MYLK3: variants seen among roughly 807,000 people sequenced by gnomAD.
MYLK3 encodes MLC kinase.
A neutral mutation model predicts 76.3 loss-of-function variants in MYLK3; 55 were observed. The ratio of observed to expected loss-of-function variants is 0.72; its 90% CI spans 0.58 to 0.90. MYLK3 has a LOEUF of 0.90. MYLK3 is among the 40% of genes least tolerant of loss of function. The pLI is 0.00. For synonymous variants in MYLK3, 416 were observed against 425.4 expected, an observed-to-expected ratio of 0.98 and a Z score of 0.27; for missense variants, 973 against 1,053.6, an observed-to-expected ratio of 0.92 and a Z score of 1.06.
chr16:46,757,799 C>T (rs961002448), intron 1 of MYLK3, among the ~76,000 whole-genome samples: 3 of 152,200 alleles, frequency 2.0e-5, no homozygotes, highest in African/African-American at 7.2e-5. Flanking sequence ...GAAACAAACA[C>T]CGTGTGGTCC....
intron 9 of MYLK3, among the ~76,000 whole-genome samples, chr16:46,717,592 G>A (rs547740613): frequency 4.0e-5 from 6 of 151,174 alleles, no homozygotes; most frequent in South Asian, 2.1e-4. Flanking sequence ...CTCACAGGGC[G>A]CCCCCCCCAC....
At chr16:46,713,022 T>C (rs184981808) in intron 9 of MYLK3, among the ~76,000 whole-genome samples, 23 of 152,258 alleles carry the variant, frequency 1.5e-4, no homozygotes, top group Admixed American at 3.9e-4. Context: ...CATTTGCTTC[T>C]TTCAGTAGTC....
chr16:46,748,171 C>A lies in MYLK3; in HGVS notation c.23G>T (p.Ser8Ile). Residue 8 changes from serine (S) to isoleucine (I), a missense_variant, in exon 1 of 13, where the codon AGT (serine) becomes ATT (isoleucine). Transcript: ENST00000394809. This position sits in a 1 kb window ranked among gnomAD's most constrained non-coding sequence, Gnocchi z 4.3. MSGTSKESLGHGGLPGLG... is the reference protein window; with the variant it reads MSGTSKEILGHGGLPGLG... ...CCCTGGCAGCCCCCCATGCCCCAGA[C>A]TCTCCTTGGAGGTTCCTGACATGCT... 2 of 1,613,702 alleles carry A rather than the reference C, an allele frequency of 1.2e-6. No individual in the cohort carries two copies. Among genetic ancestry groups the A allele is most frequent in the Non-Finnish European group, 1.7e-6 (2 of 1,179,752 alleles).
intron 11 of MYLK3, 76 bp from the exon 12 acceptor site, chr16:46,709,747 G>A (rs143230142): frequency 1.4e-5 from 21 of 1,530,426 alleles, no homozygotes; most frequent in Middle Eastern, 1.7e-4. Flanking sequence ...CACTTGAGTA[G>A]GAAGCCTGAG....
At chr16:46,742,164 T>C (rs1966941533) in intron 1 of MYLK3, among the ~76,000 whole-genome samples, 1 of 152,076 alleles carries the variant, frequency 6.6e-6, no homozygotes, top group Admixed American at 6.6e-5. Flanking sequence ...ATGTGCAGTT[T>C]ATTATATGTA....
At chr16:46,707,899 G>C in intron 12 of MYLK3, 136 bp from the exon 13 acceptor site, 1 of 531,150 alleles carries the variant, frequency 1.9e-6, no homozygotes, top group Admixed American at 3.6e-5. Context: ...AGGGAAACAA[G>C]TTTCTAAAAT....
In MYLK3 at chr16:46,710,678, C is replaced by A; in HGVS notation, c.2226G>T (p.Glu742Asp). ...DADTFEGLSE[E>D]AKDFVSRLLV... ...GCAACCGGGAAACAAAGTCCTTGGC[C>A]TCCTCCGAGAGCCCTTCAAAGGTGT... Residue 742 changes from glutamate to aspartate, a missense_variant, in exon 11 of 13, where the codon GAG (glutamate) becomes GAT (aspartate). Transcript: ENST00000394809. The A allele has an allele frequency of 6.2e-7, 1 of 1,614,210 alleles. No individual in the cohort carries two copies. The highest frequency in any genetic ancestry group is 8.5e-7 in the Non-Finnish European group (1 of 1,180,046).
In MYLK3 at chr16:46,732,511, T is replaced by G; in HGVS notation, c.1159A>C (p.Thr387Pro). 1 of 1,606,314 alleles carries G rather than the reference T, an allele frequency of 6.2e-7. No homozygotes were observed. Among genetic ancestry groups the G allele is most frequent in the East Asian group, 2.2e-5 (1 of 44,850 alleles). ...GTGRCLQAPG[T>P]EPGEQTPEGA... The stretch of plus-strand genomic sequence containing the variant: ...TCAGGGGTCTGTTCTCCGGGCTCAG[T>G]CCCAGGGGCTTGGAGGCAGCGCCCG... The change falls in exon 4 of 13, where the codon ACT becomes CCT. Residue 387 changes from threonine (T) to proline (P), a missense_variant. Around this residue, in one of 2 missense-constraint regions of MYLK3, gnomAD observed 641 missense variants for 637.0 expected, o/e 1.01. Coordinates refer to ENST00000394809, the MANE Select transcript of MYLK3 (RefSeq NM_182493.3).
upstream of MYLK3, among the ~76,000 whole-genome samples, chr16:46,752,143 C>T (rs148643499): frequency 5.2e-4 from 79 of 152,170 alleles, no homozygotes; most frequent in African/African-American, 1.7e-3. Context: ...GGGGCCAGCA[C>T]GCACCAGGCC....
At chr16:46,713,197 G>A (rs942178934) in intron 9 of MYLK3, among the ~76,000 whole-genome samples, 51 of 84,294 alleles carry the variant, frequency 6.1e-4, no homozygotes, top group African/African-American at 2.2e-3. Flanking sequence ...TATATATGAT[G>A]CCTTTTTTTT....
intron 8 of MYLK3, among the ~76,000 whole-genome samples, chr16:46,721,912 A>C (rs746647474): frequency 1.3e-5 from 2 of 152,222 alleles, no homozygotes; most frequent in South Asian, 2.1e-4. Flanking sequence ...AAAAAGTCCC[A>C]GTGCCGAGGC....
intron 8 of MYLK3, among the ~76,000 whole-genome samples, chr16:46,721,490 A>G (rs751827039): frequency 2.0e-5 from 3 of 152,196 alleles, no homozygotes; most frequent in Non-Finnish European, 4.4e-5. Context: ...TTCAGTCCTC[A>G]AGAGAAGCCG....
At chr16:46,716,179 C>A (rs1966735575) in intron 9 of MYLK3, among the ~76,000 whole-genome samples, 1 of 152,092 alleles carries the variant, frequency 6.6e-6, no homozygotes, top group Non-Finnish European at 1.5e-5. Flanking sequence ...TTACATGTGG[C>A]ACCATGTTTA....
rs979781368 is a variant in MYLK3, at chr16:46,729,791, C to T, written c.1569-104G>A. 8 of 937,560 alleles carry T rather than the reference C, an allele frequency of 8.5e-6. No individual in the cohort carries two copies. In the East Asian group the frequency reaches 1.2e-4, roughly 15 times the overall value. The allele number at this position is 937,560 out of a possible 1,614,324, so 58.1% of individuals were successfully genotyped here. On this transcript the variant is annotated intron_variant, in intron 5 of 12. Transcript: ENST00000394809. ...TCATCCACACACAGGCCATGTGGAC[C>T]ATCCTACATCCCAGAGTGCAGCCTG... is the stretch of plus-strand genomic sequence containing the variant.
At chr16:46,731,159 C>T (rs1286660267) in intron 4 of MYLK3, among the ~76,000 whole-genome samples, 2 of 152,226 alleles carry the variant, frequency 1.3e-5, no homozygotes, top group Admixed American at 1.3e-4. Flanking sequence ...TCCTCTCACC[C>T]TCCATCTCCT....
At position 46,729,995 on chromosome 16, in the gene MYLK3, G is replaced by A. The variant is rs554389149; in HGVS notation, c.1569-308C>T. On this transcript the variant is annotated intron_variant, in intron 5 of 12. Transcript: ENST00000394809. ...CCACCCAGGCCATCCTGCACCCCAG[G>A]GAACATCCCCTCACCCCACACCACC... 6 of 490,862 alleles carry A rather than the reference G, an allele frequency of 1.2e-5. No individual in the cohort carries two copies. In the East Asian group the frequency reaches 2.3e-4, roughly 19 times the overall value. The allele number at this position is 490,862 out of a possible 1,614,324, so 30.4% of individuals were successfully genotyped here.
chr16:46,746,333 A>T lies in MYLK3; in HGVS notation c.477+1384T>A, dbSNP rs1158576681. On this transcript the variant is annotated intron_variant, in intron 1 of 12. Coordinates refer to ENST00000394809, the MANE Select transcript of MYLK3 (RefSeq NM_182493.3). ...ATGCTCAGTACGGACACACCATCATAGGACTAAGTACATTTTGATCCGAGA... is the reference window on the plus strand; with the variant it reads ...ATGCTCAGTACGGACACACCATCATTGGACTAAGTACATTTTGATCCGAGA... Among the ~76,000 whole-genome samples the T allele has an allele frequency of 1.3e-5, 2 of 152,204 alleles. 1 individual carries two copies. Among genetic ancestry groups the T allele is most frequent in the African/African-American group, 4.8e-5 (2 of 41,466 alleles).
chr16:46,743,616 G>A (rs1966970293), intron 1 of MYLK3, among the ~76,000 whole-genome samples: 1 of 152,234 alleles, frequency 6.6e-6, no homozygotes, highest in Admixed American at 6.5e-5. Context: ...GCAAGTTCCA[G>A]TGGGGCAGGA....
intron 1 of MYLK3, among the ~76,000 whole-genome samples, chr16:46,757,946 G>A (rs768537639): frequency 2.0e-4 from 30 of 152,174 alleles, no homozygotes; most frequent in African/African-American, 5.8e-4. Context: ...AGGAGAGGCC[G>A]GGTCTGCAGC....
Sources: allele counts gnomAD v4.1 joint callset (sites outside exome capture counted in the v4.1 genomes callset), GRCh38; gene constraint gnomAD v4.1.1; regional missense constraint gnomAD v4.1.1; non-coding constraint Gnocchi (gnomAD v3.1); transcripts MANE v1.5; gene names NCBI Gene and HGNC (gene_info 2026-07-23, HGNC 2026-07-21).